The following ARID3A variants were observed in gnomAD, a reference collection of about 807,000 sequenced individuals.
ARID3A encodes AT-rich interaction domain 3A.
A neutral mutation model predicts 52.7 loss-of-function variants in ARID3A; 11 were observed. That is an observed-to-expected ratio of 0.21 (90% CI 0.13 to 0.35). ARID3A has a LOEUF of 0.35. ARID3A is among the 10% of genes least tolerant of loss of function. The pLI is 1.00. For synonymous variants in ARID3A, 404 were observed against 359.4 expected (o/e 1.12, Z -1.40); for missense variants, 721 against 838.5 (o/e 0.86, Z 1.73).
Position 950,277 on chromosome 19 carries a change from GA to G in ARID3A, c.694-9814del. ...CCGTCCCCAGAGGGAACGGATGGAT[GA>G]GGCCGTCCCCAGAGGGAACGGATGG... On this transcript the variant is annotated intron_variant, in intron 3 of 8. Transcript: ENST00000263620. 3.2e-4 allele frequency among the ~76,000 whole-genome samples: 2 copies of G among 6,248 alleles called. 1 individual carries two copies. The highest frequency in any genetic ancestry group is 8.4e-4 in the Non-Finnish European group (2 of 2,386). The allele number at this position is 6,248 out of a possible 152,430, so 4.1% of individuals were successfully genotyped here. A position where few individuals can be genotyped will look rare whatever the true frequency, so the allele number is the denominator to read the frequency against.
chr19:957,060 T>C (rs1294152488), intron 3 of ARID3A, among the ~76,000 whole-genome samples: 1 of 152,128 alleles, frequency 6.6e-6, no homozygotes, highest in Non-Finnish European at 1.5e-5. Context: ...TGAACTCCGC[T>C]TTCTAATTAT....
Position 944,324 on chromosome 19 carries a change from G to GT in ARID3A, c.693+11582_693+11583insT, listed in dbSNP as rs1335211860. Among the ~76,000 whole-genome samples, 39 of 148,660 alleles carry GT rather than the reference G, an allele frequency of 2.6e-4. No homozygotes were observed. Among genetic ancestry groups the GT allele is most frequent in the South Asian group, 1.3e-3 (6 of 4,562 alleles). On this transcript the variant is annotated intron_variant, in intron 3 of 8. Transcript: ENST00000263620. This position sits in a 1 kb window ranked among gnomAD's most constrained non-coding sequence, Gnocchi z 5.9. ...GTCTGGCTGCAGGGGCGCGTCCAGG[G>GT]GGTGTGTGTGTGTGTGTGTGTGTGT...
rs1177774751 is a variant in ARID3A at position 974,978 on chromosome 19, G to A, written c.*2913G>A. 3 of 232,398 alleles carry A rather than the reference G, an allele frequency of 1.3e-5. No individual in the cohort carries two copies. Among genetic ancestry groups the A allele is most frequent in the Admixed American group, 1.1e-4 (2 of 17,746 alleles). 14.4% of individuals were successfully genotyped at this position (232,398 alleles called of 1,614,324 possible). ...GGAGGCGGTTGCAGAGGGTCTATGGGGCCCGGTCCTGGATACTCGGCAGGA... is the reference window on the plus strand; with the variant it reads ...GGAGGCGGTTGCAGAGGGTCTATGGAGCCCGGTCCTGGATACTCGGCAGGA... On this transcript the variant is annotated 3_prime_UTR_variant, in exon 9 of 9. Transcript: ENST00000263620.
intron 1 of ARID3A, among the ~76,000 whole-genome samples, chr19:927,540 C>T (rs2037227160): frequency 6.6e-6 from 1 of 151,870 alleles, no homozygotes; most frequent in Non-Finnish European, 1.5e-5. Flanking sequence ...CTTCCTTTGG[C>T]CTCTTCCTTC....
At chr19:933,573 C>T (rs1031939897) in intron 3 of ARID3A, among the ~76,000 whole-genome samples, 2 of 152,114 alleles carry the variant, frequency 1.3e-5, no homozygotes, top group South Asian at 2.1e-4. Context: ...ATGATGGACA[C>T]GCTGGGACAT....
At chr19:926,892 C>A (rs1160580787) in intron 1 of ARID3A, among the ~76,000 whole-genome samples, 1 of 151,926 alleles carries the variant, frequency 6.6e-6, no homozygotes, top group Non-Finnish European at 1.5e-5. Flanking sequence ...TTCCCCCCCC[C>A]ATGCAAATCG....
chr19:929,737 C>G lies in ARID3A; in HGVS notation c.209C>G (p.Ala70Gly), dbSNP rs770296331. ...AALAAMRAAAAGLGHPASPGG... is the reference protein window; with the variant it reads ...AALAAMRAAAGGLGHPASPGG... ...CTGGCAGCCATGCGGGCTGCAGCTG[C>G]GGGCCTGGGACACCCAGCCAGCCCC... Residue 70 changes from alanine (A) to glycine (G), a missense_variant, in exon 2 of 9, where the codon GCG (alanine) becomes GGG (glycine). Ala to Gly is a moderately conservative substitution (Grantham distance 60). Transcript: ENST00000263620. The surrounding 1 kb of genome is among the most constrained non-coding windows in gnomAD (Gnocchi z 6.2). 2 of 1,559,198 alleles carry G rather than the reference C, an allele frequency of 1.3e-6. No homozygotes were observed. Among genetic ancestry groups the G allele is most frequent in the Non-Finnish European group, 1.7e-6 (2 of 1,160,058 alleles).
At position 941,508 on chromosome 19, in the gene ARID3A, T is replaced by C. The variant is rs902914863; in HGVS notation, c.693+8766T>C. 1.3e-5 allele frequency among the ~76,000 whole-genome samples: 2 copies of C among 152,190 alleles called. No individual in the cohort carries two copies. Among genetic ancestry groups the C allele is most frequent in the East Asian group, 1.9e-4 (1 of 5,198 alleles). ...CTGTGTGCCGAGTGACGTGGCAAAC[T>C]TCCCACGTCCCTGTTTTGCGTGGAC... On this transcript the variant is annotated intron_variant, in intron 3 of 8. Coordinates refer to ENST00000263620, the MANE Select transcript of ARID3A (RefSeq NM_005224.3). The surrounding 1 kb of genome is among the most constrained non-coding windows in gnomAD (Gnocchi z 6.9).
chr19:934,371 G>A (rs941037239), intron 3 of ARID3A, among the ~76,000 whole-genome samples: 1 of 152,180 alleles, frequency 6.6e-6, no homozygotes. Flanking sequence ...GAGGGGCCAG[G>A]CGCCCTGACC....
chr19:927,208 C>G (rs1441396542), intron 1 of ARID3A, among the ~76,000 whole-genome samples: 1 of 152,060 alleles, frequency 6.6e-6, no homozygotes, highest in African/African-American at 2.4e-5. Flanking sequence ...CAGGATCCCT[C>G]CGCCCCCCAC....
At chr19:945,757 T>C (rs1003991008) in intron 3 of ARID3A, among the ~76,000 whole-genome samples, 3 of 152,164 alleles carry the variant, frequency 2.0e-5, no homozygotes, top group Non-Finnish European at 4.4e-5. Context: ...GGCGTCGACA[T>C]GGCCGGGGCA....
chr19:956,403 C>G (rs1240305186), intron 3 of ARID3A: 3 of 152,314 alleles, frequency 2.0e-5, no homozygotes, highest in Non-Finnish European at 4.4e-5. Context: ...CAGATACACT[C>G]CTAGATCCGT....
chr19:933,843 C>T (rs1268227198), intron 3 of ARID3A, among the ~76,000 whole-genome samples: 3 of 50,208 alleles, frequency 6.0e-5, no homozygotes, highest in East Asian at 7.3e-4. Context: ...GGCGGGGACT[C>T]GGTGGGGGGG....
rs371807095 is a variant in ARID3A, at chr19:968,539, G to A, written c.1594+36G>A. 58 of 1,589,994 alleles carry A rather than the reference G, an allele frequency of 3.6e-5. No homozygotes were observed. In the African/African-American group the frequency reaches 4.0e-4, roughly 11 times the overall value. ...TGAGGCCACGCCCTGCCTGGACCTC[G>A]CCTCTCCCGCCGCCGTGAACTCAGG... On this transcript the variant is annotated intron_variant, in intron 8 of 8. Transcript: ENST00000263620.
intron 3 of ARID3A, among the ~76,000 whole-genome samples, chr19:952,118 G>A (rs1432526899): frequency 6.6e-6 from 1 of 152,020 alleles, no homozygotes; most frequent in Non-Finnish European, 1.5e-5. Flanking sequence ...TCCAGCCTGA[G>A]CGACAGAGCG....
chr19:950,399 G>A (rs1480794362), intron 3 of ARID3A, among the ~76,000 whole-genome samples: 3 of 148,078 alleles, frequency 2.0e-5, no homozygotes, highest in African/African-American at 7.5e-5. Context: ...GGATGAGGCC[G>A]TCCCCAGAGT....
chr19:959,524 G>A lies in ARID3A; in HGVS notation c.694-568G>A, dbSNP rs1001280151. The stretch of plus-strand genomic sequence containing the variant: ...ATTCCCGGGCTCAAGCGATTCACCC[G>A]CCTCCCAAGGTGCTGGGATTACAGG... On this transcript the variant is annotated intron_variant, in intron 3 of 8. Transcript: ENST00000263620. The surrounding 1 kb of genome is among the most constrained non-coding windows in gnomAD (Gnocchi z 5.0). 4.6e-5 allele frequency among the ~76,000 whole-genome samples: 7 copies of A among 152,152 alleles called. No homozygotes were observed. The highest frequency in any genetic ancestry group is 7.3e-5 in the Non-Finnish European group (5 of 68,032).
chr19:947,902 G>A lies in ARID3A; in HGVS notation c.694-12190G>A, dbSNP rs550252505. Among the ~76,000 whole-genome samples the A allele has an allele frequency of 6.6e-6, 1 of 152,318 alleles. No individual in the cohort carries two copies. Among genetic ancestry groups the A allele is most frequent in the Admixed American group, 6.5e-5 (1 of 15,298 alleles). On this transcript the variant is annotated intron_variant, in intron 3 of 8. Coordinates refer to ENST00000263620, the MANE Select transcript of ARID3A (RefSeq NM_005224.3). This position sits in a 1 kb window ranked among gnomAD's most constrained non-coding sequence, Gnocchi z 6.3. ...GGCTCTCAGCATCTGCATCCGCCGA[G>A]GCCTGGCTGTGCTGACGGGAATTGA...
chr19:927,501 G>A (rs2037226371), intron 1 of ARID3A, among the ~76,000 whole-genome samples: 1 of 151,982 alleles, frequency 6.6e-6, no homozygotes, highest in Non-Finnish European at 1.5e-5. Context: ...AACCCAGCAG[G>A]GCTCGGAGCG....
Sources: gnomAD v4.1 joint callset for allele counts (sites outside exome capture counted in the v4.1 genomes callset) on GRCh38, gnomAD v4.1.1 for gene constraint, Gnocchi (gnomAD v3.1) non-coding constraint, MANE v1.5 for transcripts, NCBI Gene and HGNC (gene_info 2026-07-23, HGNC 2026-07-21) for gene names.